The following SAP30BP variants were observed in gnomAD, a reference collection of about 807,000 sequenced individuals.
The protein encoded by SAP30BP is SAP30 binding protein.
In SAP30BP, 31 loss-of-function variants were observed where a neutral mutation model predicts 46.3. The observed-to-expected ratio is 0.67, with a 90% CI of 0.50 to 0.90. The LOEUF (loss-of-function observed/expected upper bound fraction) is 0.90. SAP30BP is among the 40% of genes least tolerant of loss of function. The probability of loss-of-function intolerance (pLI) is 0.00; values close to 1 mark genes in which losing one functional copy is unlikely to be tolerated. For missense variants in SAP30BP, 312 were observed against 391.0 expected (o/e 0.80, Z 1.70); for synonymous variants, 169 against 144.2 (o/e 1.17, Z -1.23).
intron 3 of SAP30BP, among the ~76,000 whole-genome samples, chr17:75,687,918 GT>G (rs1832506518): frequency 3.2e-5 from 1 of 31,680 alleles, no homozygotes; most frequent in African/African-American, 1.0e-4. Context: ...AGTGTTTGGG[GT>G]GTGTGTGTGT....
intron 4 of SAP30BP, among the ~76,000 whole-genome samples, chr17:75,697,842 G>T (rs1195603661): frequency 6.6e-6 from 1 of 152,204 alleles, no homozygotes; most frequent in Non-Finnish European, 1.5e-5. Flanking sequence ...AGAGATCAAA[G>T]CACCTTGTCT....
chr17:75,695,310 A>G (rs987886285), intron 4 of SAP30BP, among the ~76,000 whole-genome samples: 1 of 152,212 alleles, frequency 6.6e-6, no homozygotes, highest in Non-Finnish European at 1.5e-5. Flanking sequence ...ATGTCTCCAG[A>G]CATTGCCAAA....
chr17:75,670,301 A>C (rs1386278464), intron 2 of SAP30BP, among the ~76,000 whole-genome samples: 1 of 152,058 alleles, frequency 6.6e-6, no homozygotes, highest in Admixed American at 6.6e-5. Context: ...CAGCCTGGGC[A>C]ACAGAGCCAG....
At chr17:75,682,551 A>G (rs1036643201) in intron 3 of SAP30BP, among the ~76,000 whole-genome samples, 1 of 152,158 alleles carries the variant, frequency 6.6e-6, no homozygotes, top group Non-Finnish European at 1.5e-5. Flanking sequence ...ATAATAACAT[A>G]TGTTTTGCAT....
intron 6 of SAP30BP, chr17:75,703,053 TA>T: frequency 9.6e-6 from 5 of 520,484 alleles, no homozygotes; most frequent in Admixed American, 3.3e-5. Flanking sequence ...CTGAGTGTGG[TA>T]AGCCCAATCC....
At chr17:75,690,755 C>T (rs1218189368) in intron 3 of SAP30BP, 2 of 456,574 alleles carry the variant, frequency 4.4e-6, no homozygotes, top group African/African-American at 4.0e-5. Flanking sequence ...AGAAGAATCA[C>T]ATTCTAAACA....
chr17:75,674,478 T>C (rs2059953680), intron 3 of SAP30BP, among the ~76,000 whole-genome samples: 1 of 151,594 alleles, frequency 6.6e-6, no homozygotes, highest in African/African-American at 2.4e-5. Context: ...GTATTTTTAA[T>C]AGAGACAGGG....
At chr17:75,678,335 G>T (rs2060023316) in intron 3 of SAP30BP, among the ~76,000 whole-genome samples, 1 of 152,052 alleles carries the variant, frequency 6.6e-6, no homozygotes, top group South Asian at 2.1e-4. Context: ...AATCCTTCTG[G>T]ATACTTTAAA....
At chr17:75,699,899 C>T (rs947480529) in intron 5 of SAP30BP, 28 bp downstream of exon 5, 19 of 1,521,794 alleles carry the variant, frequency 1.2e-5, no homozygotes, top group Non-Finnish European at 1.7e-5. Context: ...CTACTGAGGT[C>T]GGATAGATTA....
intron 2 of SAP30BP, 72 bp downstream of exon 2, chr17:75,668,697 C>T (rs2059852557): frequency 4.0e-6 from 4 of 1,007,024 alleles, no homozygotes; most frequent in Non-Finnish European, 6.0e-6. Context: ...ACTGTGCCAA[C>T]AGTGTTCCAT....
At chr17:75,689,638 A>C (rs1015747990) in intron 3 of SAP30BP, among the ~76,000 whole-genome samples, 6 of 152,200 alleles carry the variant, frequency 3.9e-5, no homozygotes, top group African/African-American at 1.4e-4. Flanking sequence ...TGAGCTCATT[A>C]CTTTAACCAA....
intron 3 of SAP30BP, among the ~76,000 whole-genome samples, chr17:75,689,703 G>A (rs2060214120): frequency 6.6e-6 from 1 of 152,210 alleles, no homozygotes; most frequent in Non-Finnish European, 1.5e-5. Context: ...CAAGACAGGT[G>A]TTTCCTGTGC....
intron 5 of SAP30BP, among the ~76,000 whole-genome samples, chr17:75,700,892 C>T (rs1300626328): frequency 5.9e-5 from 9 of 152,198 alleles, no homozygotes; most frequent in African/African-American, 4.8e-5. Context: ...CCATGACATT[C>T]GAGCAAACAT....
At chr17:75,672,036 A>G in intron 3 of SAP30BP, 173 bp downstream of exon 3, 3 of 623,152 alleles carry the variant, frequency 4.8e-6, no homozygotes, top group Non-Finnish European at 2.9e-6. Context: ...CAACTCAGGA[A>G]TGAACAAATC....
chr17:75,689,385 C>G (rs1293923906), intron 3 of SAP30BP, among the ~76,000 whole-genome samples: 1 of 152,062 alleles, frequency 6.6e-6, no homozygotes, highest in African/African-American at 2.4e-5. Context: ...CCAACTCCCC[C>G]AGCCTGTTTT....
chr17:75,677,279 G>A (rs892699364), intron 3 of SAP30BP, among the ~76,000 whole-genome samples: 8 of 151,198 alleles, frequency 5.3e-5, no homozygotes, highest in Non-Finnish European at 8.8e-5. Context: ...TAATTTTTGT[G>A]TTTTTAGTAG....
At chr17:75,688,497 G>C (rs1243762215) in intron 3 of SAP30BP, among the ~76,000 whole-genome samples, 1 of 151,956 alleles carries the variant, frequency 6.6e-6, no homozygotes, top group Non-Finnish European at 1.5e-5. Context: ...CTCTGTGCCC[G>C]CTACTCCCGA....
intron 3 of SAP30BP, among the ~76,000 whole-genome samples, chr17:75,690,159 CAT>C (rs757869885): frequency 5.3e-5 from 8 of 152,186 alleles, no homozygotes; most frequent in South Asian, 4.2e-4. Flanking sequence ...TCGTTCATCA[CAT>C]GTTTTTTCTG....
intron 4 of SAP30BP, among the ~76,000 whole-genome samples, chr17:75,696,276 T>A (rs972498219): frequency 6.6e-5 from 10 of 151,834 alleles, no homozygotes; most frequent in Non-Finnish European, 1.0e-4. Context: ...GGCTCATGCC[T>A]GTCATCCCAG....
Sources: allele counts gnomAD v4.1 joint callset (sites outside exome capture counted in the v4.1 genomes callset), GRCh38; gene constraint gnomAD v4.1.1; transcripts MANE v1.5; gene names NCBI Gene and HGNC (gene_info 2026-07-23, HGNC 2026-07-21).